Variants in DYNC1H1 observed in about 807,000 individuals in gnomAD.
DYNC1H1 encodes the protein cytoplasmic dynein 1 heavy chain 1.
A neutral mutation model predicts 527.1 loss-of-function variants in DYNC1H1; 51 were observed. The ratio of observed to expected loss-of-function variants is 0.10; its 90% confidence interval spans 0.08 to 0.12. The LOEUF (loss-of-function observed/expected upper bound fraction) is 0.12. DYNC1H1 is among the 10% of genes least tolerant of loss of function. DYNC1H1 has a pLI of 1.00. For synonymous variants in DYNC1H1, 2,189 were observed against 2,278.8 expected (o/e 0.96, Z 1.12); for missense variants, 2,771 against 5,971.8 (o/e 0.46, Z 17.66).
At position 102,033,045 on chromosome 14, in the gene DYNC1H1, A is replaced by G; in HGVS notation, c.10080-20A>G. ...GCTTTTGTCCTGCATGTGTTTAGAA[A>G]TATCATTCGTCTTTTACAGTGACGC... On this transcript the variant is annotated intron_variant, in intron 52 of 77. Transcript: ENST00000360184. The surrounding 1 kb of genome is among the most constrained non-coding windows in gnomAD (Gnocchi z 5.6). 6.2e-7 allele frequency: 1 copy of G among 1,607,638 alleles called. No individual in the cohort carries two copies. The highest frequency in any genetic ancestry group is 8.5e-7 in the Non-Finnish European group (1 of 1,174,130).
rs201369840 is a variant in DYNC1H1, at chr14:102,017,394, C to T, written c.8067C>T (p.His2689=). ...GTCCCTTCCTTCAGATGGTGGAGCA[C>T]GGAGGCTTTTACCGTACCTCAGATC... ...VISFIRQMVE[H]GGFYRTSDQT... Residue 2689 remains histidine (H), a synonymous_variant, in exon 40 of 78, where the codon CAC becomes CAT. Coordinates refer to ENST00000360184, the MANE Select transcript of DYNC1H1 (RefSeq NM_001376.5). The surrounding 1 kb of genome is among the most constrained non-coding windows in gnomAD (Gnocchi z 4.6). 17 of 1,614,186 alleles carry T rather than the reference C, an allele frequency of 1.1e-5. No individual in the cohort carries two copies. The highest frequency in any genetic ancestry group is 4.5e-5 in the East Asian group (2 of 44,888).
Position 102,018,706 on chromosome 14 carries a change from A to G in DYNC1H1, c.8343+90A>G. On this transcript the variant is annotated intron_variant, in intron 41 of 77. Transcript: ENST00000360184. This position sits in a 1 kb window ranked among gnomAD's most constrained non-coding sequence, Gnocchi z 5.2. ...TCAGGTGTGGTGGTTCACACCTGTA[A>G]TCCCAGCATTTTGGGAGGCCAAGGT... is the stretch of plus-strand genomic sequence containing the variant. 6.5e-7 allele frequency: 1 copy of G among 1,536,974 alleles called. No individual in the cohort carries two copies.
In DYNC1H1 at chr14:102,029,011, T is replaced by C. The variant is rs17541345; in HGVS notation, c.9469-528T>C. 5,713 of 177,152 alleles carry C rather than the reference T, an allele frequency of 0.032. 259 individuals carry two copies. Among genetic ancestry groups the C allele is most frequent in the African/African-American group, 0.11 (4,512 of 41,858 alleles). 11.0% of individuals were successfully genotyped at this position (177,152 alleles called of 1,614,324 possible). A position where few individuals can be genotyped will look rare whatever the true frequency, so the allele number is the denominator to read the frequency against. The stretch of plus-strand genomic sequence containing the variant: ...GTGATAGAAGAATTCAGTCTACTCC[T>C]CCCTCCCAGAAGAGCTTTGTGAAAT... On this transcript the variant is annotated intron_variant, in intron 48 of 77. Coordinates refer to ENST00000360184, the MANE Select transcript of DYNC1H1 (RefSeq NM_001376.5). This position sits in a 1 kb window ranked among gnomAD's most constrained non-coding sequence, Gnocchi z 5.3.
In DYNC1H1 at chr14:101,964,657, TCTCATCG is replaced by T; in HGVS notation, c.-31_-25del. 3 of 1,564,520 alleles carry T rather than the reference TCTCATCG, an allele frequency of 1.9e-6. No homozygotes were observed. Among genetic ancestry groups the T allele is most frequent in the Non-Finnish European group, 2.6e-6 (3 of 1,161,416 alleles). On this transcript the variant is annotated 5_prime_UTR_variant, in exon 1 of 78. Coordinates refer to ENST00000360184, the MANE Select transcript of DYNC1H1 (RefSeq NM_001376.5). This position sits in a 1 kb window ranked among gnomAD's most constrained non-coding sequence, Gnocchi z 5.5. ...CTGTCTCGCTGAGTCGCGGCCGCCT[TCTCATCG>T]CTCCTGGAAGGTCCCGAGCGCGACA...
chr14:102,024,136 A>C (rs556991286), intron 43 of DYNC1H1, among the ~76,000 whole-genome samples: 2 of 152,214 alleles, frequency 1.3e-5, no homozygotes, highest in Non-Finnish European at 2.9e-5. Flanking sequence ...AGTGAAAGAA[A>C]TCTTTGCTTC....
At chr14:102,026,512 ACTTTG>A (rs1463354588) in intron 43 of DYNC1H1, 57 bp from the exon 44 acceptor site, 31 of 1,583,042 alleles carry the variant, frequency 2.0e-5, no homozygotes, top group Non-Finnish European at 2.5e-5. Flanking sequence ...CATACAGTTG[ACTTTG>A]GTCTAATAAC....
chr14:101,996,290 C>T (rs893267689), intron 15 of DYNC1H1, among the ~76,000 whole-genome samples: 7 of 151,326 alleles, frequency 4.6e-5, no homozygotes, highest in African/African-American at 1.2e-4. Context: ...CCACCATGCC[C>T]GGCTAATTTT....
intron 5 of DYNC1H1, among the ~76,000 whole-genome samples, chr14:101,982,650 A>G (rs2047881590): frequency 6.6e-6 from 1 of 152,010 alleles, no homozygotes; most frequent in Non-Finnish European, 1.5e-5. Flanking sequence ...CGAATCACCT[A>G]GAAACTACCC....
intron 1 of DYNC1H1, among the ~76,000 whole-genome samples, chr14:101,966,911 A>G (rs1305020328): frequency 6.6e-6 from 1 of 152,198 alleles, no homozygotes; most frequent in Non-Finnish European, 1.5e-5. Context: ...TCTTTCAGCA[A>G]AACAAATATG....
chr14:101,980,636 A>G (rs1179313695), intron 5 of DYNC1H1, 86 bp downstream of exon 5: 2 of 1,479,138 alleles, frequency 1.4e-6, no homozygotes, highest in Non-Finnish European at 1.8e-6. Flanking sequence ...TGAAAACTAT[A>G]GTTTTCACAG....
rs1287568844 is a variant in DYNC1H1, at chr14:102,056,019, A to C, written c.*5456A>C. 1 of 152,202 alleles carries C rather than the reference A, an allele frequency of 6.6e-6. No homozygotes were observed. The highest frequency in any genetic ancestry group is 1.5e-5 in the Non-Finnish European group (1 of 68,032). The allele number at this position is 152,202 out of a possible 1,614,324, so 9.4% of individuals were successfully genotyped here. On this transcript the variant is annotated 3_prime_UTR_variant, in exon 78 of 78. Coordinates refer to ENST00000360184, the MANE Select transcript of DYNC1H1 (RefSeq NM_001376.5). The stretch of plus-strand genomic sequence containing the variant: ...CATGACACAGCCTCAGGAGGTCCTG[A>C]CTGGGGGGAGAGAGACCCTCTCATA...
At chr14:101,988,324 G>T (rs1044458837) in intron 9 of DYNC1H1, among the ~76,000 whole-genome samples, 1 of 152,106 alleles carries the variant, frequency 6.6e-6, no homozygotes, top group Non-Finnish European at 1.5e-5. Context: ...GCCCCCACCC[G>T]TATCCCCGTA....
At position 102,033,391 on chromosome 14, in the gene DYNC1H1, G is replaced by A. The variant is rs886050371; in HGVS notation, c.10320G>A (p.Leu3440=). The A allele has an allele frequency of 1.2e-6, 2 of 1,614,204 alleles. No individual in the cohort carries two copies. Among genetic ancestry groups the A allele is most frequent in the Non-Finnish European group, 1.7e-6 (2 of 1,180,042 alleles). ...AGGTGGAGCAGATGATCCGAGACCT[G>A]GAAGCCAGCATCGCCCGCTACAAGG... ...ANEVEQMIRD[L]EASIARYKEE... The change falls in exon 54 of 78, where the codon CTG becomes CTA. Residue 3440 remains leucine (L), a synonymous_variant. Coordinates refer to ENST00000360184, the MANE Select transcript of DYNC1H1 (RefSeq NM_001376.5). This position sits in a 1 kb window ranked among gnomAD's most constrained non-coding sequence, Gnocchi z 5.6.
Position 102,001,422 on chromosome 14 carries a change from A to G in DYNC1H1, c.4395+68A>G, listed in dbSNP as rs369225073. ...GCTGTTACATAGATCTGAGCTATGT[A>G]AAAATGGAGCCTTGTCATCTGTGGT... On this transcript the variant is annotated intron_variant, in intron 20 of 77. Coordinates refer to ENST00000360184, the MANE Select transcript of DYNC1H1 (RefSeq NM_001376.5). This position sits in a 1 kb window ranked among gnomAD's most constrained non-coding sequence, Gnocchi z 5.0. 36 of 1,613,034 alleles carry G rather than the reference A, an allele frequency of 2.2e-5. No individual in the cohort carries two copies. In the East Asian group the frequency reaches 2.5e-4, roughly 11 times the overall value.
At chr14:101,967,240 T>C (rs999363301) in intron 1 of DYNC1H1, among the ~76,000 whole-genome samples, 3 of 152,196 alleles carry the variant, frequency 2.0e-5, no homozygotes, top group Non-Finnish European at 4.4e-5. Context: ...TGAGTTAGCT[T>C]TGGCATTTGT....
chr14:102,026,325 A>C (rs1236415288), intron 43 of DYNC1H1, among the ~76,000 whole-genome samples: 1 of 152,150 alleles, frequency 6.6e-6, no homozygotes, highest in African/African-American at 2.4e-5. Flanking sequence ...CTCCATGATC[A>C]TGGTATGTCT....
Position 102,016,781 on chromosome 14 carries a change from G to C in DYNC1H1, c.7630G>C (p.Glu2544Gln), listed in dbSNP as rs1434419089. 6.2e-7 allele frequency: 1 copy of C among 1,613,726 alleles called. No individual in the cohort carries two copies. Among genetic ancestry groups the C allele is most frequent in the African/African-American group, 1.3e-5 (1 of 74,946 alleles). Residue 2544 changes from glutamate (E) to glutamine (Q), a missense_variant, in exon 38 of 78, where the codon GAA becomes CAA. Transcript: ENST00000360184. This position sits in a 1 kb window ranked among gnomAD's most constrained non-coding sequence, Gnocchi z 7.3. ...CCGTGTGTAGGTGTCCATCAGCGGA[G>C]AATGGTCTCCGTGGCAGGCCAAGGT... ...IIDYEVSISGEWSPWQAKVPQ... is the reference protein window; with the variant it reads ...IIDYEVSISGQWSPWQAKVPQ...
Position 102,036,724 on chromosome 14 carries a change from T to G in DYNC1H1, c.10908+82T>G. The stretch of plus-strand genomic sequence containing the variant: ...GGGGGCTGCCTTTAGTTTTCAACTT[T>G]GTAAGACTTCATTTTGTATCAGAAG... On this transcript the variant is annotated intron_variant, in intron 57 of 77. Coordinates refer to ENST00000360184, the MANE Select transcript of DYNC1H1 (RefSeq NM_001376.5). This position sits in a 1 kb window ranked among gnomAD's most constrained non-coding sequence, Gnocchi z 5.6. 1 of 1,538,358 alleles carries G rather than the reference T, an allele frequency of 6.5e-7. No homozygotes were observed. The highest frequency in any genetic ancestry group is 9.0e-7 in the Non-Finnish European group (1 of 1,113,766).
In DYNC1H1 at chr14:102,048,011, A is replaced by G; in HGVS notation, c.13201A>G (p.Thr4401Ala). 1 of 1,611,366 alleles carries G rather than the reference A, an allele frequency of 6.2e-7. No individual in the cohort carries two copies. Among genetic ancestry groups the G allele is most frequent in the Admixed American group, 1.7e-5 (1 of 59,980 alleles). ...CCAGACGCTGAGCCACCTCAAGCGC[A>G]CCGTGGAGAATATCAAGGTAGCTGG... is the stretch of plus-strand genomic sequence containing the variant. ...IPQTLSHLKRTVENIKDPLFR... is the reference protein window; with the variant it reads ...IPQTLSHLKRAVENIKDPLFR... Residue 4401 changes from threonine (T) to alanine (A), a missense_variant, in exon 73 of 78, where the codon ACC becomes GCC. By Grantham distance (58) the Thr-to-Ala change is moderately conservative. Transcript: ENST00000360184.
Sources: allele counts gnomAD v4.1 joint callset (sites outside exome capture counted in the v4.1 genomes callset), GRCh38; gene constraint gnomAD v4.1.1; non-coding constraint Gnocchi (gnomAD v3.1); transcripts MANE v1.5; gene names NCBI Gene and HGNC (gene_info 2026-07-23, HGNC 2026-07-21).